The following DNAH5 variants were observed in gnomAD, a reference collection of about 807,000 sequenced individuals.
DNAH5 encodes the protein dynein axonemal heavy chain 5.
In DNAH5, 372 loss-of-function variants were observed where a neutral mutation model predicts 518.2. The observed-to-expected ratio is 0.72, with a 90% confidence interval of 0.66 to 0.78. DNAH5 has a LOEUF of 0.78. DNAH5 is among the 30% of genes least tolerant of loss of function. The pLI is 0.00. For synonymous variants in DNAH5, 2,039 were observed against 2,025.9 expected (o/e 1.01, Z -0.17); for missense variants, 5,523 against 5,687.0 (o/e 0.97, Z 0.93).
upstream of DNAH5, among the ~76,000 whole-genome samples, chr5:13,947,511 T>A (rs1457280931): frequency 1.3e-5 from 2 of 152,192 alleles, no homozygotes; most frequent in African/African-American, 4.8e-5. Context: ...ACCTAATAAA[T>A]GAAATATATA....
intron 61 of DNAH5, 119 bp downstream of exon 61, chr5:13,758,727 C>T: frequency 2.1e-6 from 3 of 1,416,206 alleles, no homozygotes; most frequent in Non-Finnish European, 3.0e-6. Flanking sequence ...CCTTGGTGTC[C>T]ATTATGTGCT....
intron 1 of DNAH5, among the ~76,000 whole-genome samples, chr5:13,983,600 T>A (rs1278693299): frequency 1.3e-5 from 2 of 152,180 alleles, no homozygotes; most frequent in African/African-American, 4.8e-5. Flanking sequence ...TTTTGACCTC[T>A]AGGACCGTCT....
At chr5:13,860,752 T>C (rs1175271158) in intron 29 of DNAH5, among the ~76,000 whole-genome samples, 2 of 152,216 alleles carry the variant, frequency 1.3e-5, no homozygotes, top group Non-Finnish European at 2.9e-5. Context: ...ATTTTGTATG[T>C]GGTGTTTCTG....
intron 5 of DNAH5, among the ~76,000 whole-genome samples, chr5:13,920,984 ATTT>A (rs35373792): frequency 6.6e-6 from 1 of 151,956 alleles, no homozygotes; most frequent in African/African-American, 2.4e-5. Flanking sequence ...CAGCAATTTT[ATTT>A]TTTTAGTAGT....
At chr5:13,740,098 C>T (rs752327141) in intron 65 of DNAH5, among the ~76,000 whole-genome samples, 3 of 152,042 alleles carry the variant, frequency 2.0e-5, no homozygotes, top group African/African-American at 7.2e-5. Context: ...ACCTTTGAAC[C>T]CTGCTTGGTC....
intron 53 of DNAH5, among the ~76,000 whole-genome samples, chr5:13,780,354 T>G (rs1329719462): frequency 6.6e-6 from 1 of 152,212 alleles, no homozygotes; most frequent in Non-Finnish European, 1.5e-5. Flanking sequence ...TCCCTTTGAG[T>G]TGCTACAAAA....
At chr5:13,817,734 G>A (rs778529729) in intron 41 of DNAH5, 40 bp from the exon 42 acceptor site, 1 of 1,602,732 alleles carries the variant, frequency 6.2e-7, no homozygotes, top group Non-Finnish European at 8.5e-7. Flanking sequence ...TCTCAGATGG[G>A]AAGTGAACCA....
intron 76 of DNAH5, among the ~76,000 whole-genome samples, chr5:13,701,823 CA>C (rs60203346): frequency 0.46 from 69,987 of 152,012 alleles, 17,114 homozygotes; most frequent in Non-Finnish European, 0.54. Flanking sequence ...CCTTAGGTTA[CA>C]ATTTCAATCT....
intron 15 of DNAH5, among the ~76,000 whole-genome samples, chr5:13,895,910 T>C (rs556903360): frequency 6.6e-6 from 1 of 152,108 alleles, no homozygotes; most frequent in South Asian, 2.1e-4. Flanking sequence ...AAACCCAGAG[T>C]CATCCTTGAT....
rs995755671 is a variant in DNAH5 at position 13,937,593 on chromosome 5, T to C, written c.58-6349A>G. 2.6e-5 allele frequency among the ~76,000 whole-genome samples: 4 copies of C among 152,060 alleles called. No individual in the cohort carries two copies. In the East Asian group the frequency reaches 7.8e-4, roughly 30 times the overall value. On this transcript the variant is annotated intron_variant, in intron 1 of 78. Transcript: ENST00000265104. ...AGTATCACTGTTATCGACATCATAC[T>C]GCATATACCAGGTCCTCATACAATA...
intron 1 of DNAH5, among the ~76,000 whole-genome samples, chr5:13,933,525 C>T (rs1778621207): frequency 6.6e-6 from 1 of 152,184 alleles, no homozygotes; most frequent in African/African-American, 2.4e-5. Flanking sequence ...GGCACAGTGG[C>T]TCATGCCTGT....
chr5:13,871,098 G>C (rs1201659171), intron 23 of DNAH5, 96 bp from the exon 24 acceptor site: 5 of 885,790 alleles, frequency 5.6e-6, no homozygotes, highest in Non-Finnish European at 8.8e-6. Flanking sequence ...ATATTTTATA[G>C]CTTATTGCCC....
At chr5:13,752,109 A>G (rs747347368) in intron 64 of DNAH5, 25 bp downstream of exon 64, 7 of 1,612,962 alleles carry the variant, frequency 4.3e-6, no homozygotes, top group East Asian at 2.2e-5. Context: ...TGTTCTGCAC[A>G]TTGTCATCCA....
At chr5:13,988,968 T>C (rs922095377) in intron 1 of DNAH5, among the ~76,000 whole-genome samples, 3 of 151,804 alleles carry the variant, frequency 2.0e-5, no homozygotes, top group Non-Finnish European at 4.4e-5. Context: ...ACCTTGTGAT[T>C]CGCCCACCTC....
At chr5:13,997,736 C>T (rs868672052) in intron 1 of DNAH5, among the ~76,000 whole-genome samples, 3 of 152,214 alleles carry the variant, frequency 2.0e-5, no homozygotes, top group Admixed American at 1.3e-4. Flanking sequence ...TTTGTTACAG[C>T]AGCACCCCAC....
chr5:14,002,396 A>T (rs1023166389), intron 1 of DNAH5, among the ~76,000 whole-genome samples: 10 of 152,296 alleles, frequency 6.6e-5, no homozygotes, highest in African/African-American at 2.4e-4. Context: ...TTAAACACAT[A>T]AATGTACTTT....
At chr5:13,889,390 GTT>G (rs887515487) in intron 17 of DNAH5, among the ~76,000 whole-genome samples, 3 of 152,142 alleles carry the variant, frequency 2.0e-5, no homozygotes, top group African/African-American at 7.2e-5. Context: ...TAGACAGTAA[GTT>G]TTGCGTATAA....
chr5:13,769,434 T>C lies in DNAH5; in HGVS notation c.9720+67A>G. The C allele has an allele frequency of 4.0e-6, 5 of 1,253,514 alleles. 1 individual carries two copies. In the South Asian group the frequency reaches 4.8e-5, roughly 12 times the overall value. 77.6% of individuals were successfully genotyped at this position (1,253,514 alleles called of 1,614,324 possible). A position where few individuals can be genotyped will look rare whatever the true frequency, so the allele number is the denominator to read the frequency against. On this transcript the variant is annotated intron_variant, in intron 57 of 78. Coordinates refer to ENST00000265104, the MANE Select transcript of DNAH5 (RefSeq NM_001369.3). Reference sequence around the variant, plus strand: ...ACTAGTTATAGCCAGTGAATATGCATAGATCATTAACACTTGTGAACTGAG... The same window carrying C: ...ACTAGTTATAGCCAGTGAATATGCACAGATCATTAACACTTGTGAACTGAG...
chr5:13,901,998 A>T (rs1561537502), intron 13 of DNAH5, 55 bp downstream of exon 13: 2 of 1,242,998 alleles, frequency 1.6e-6, no homozygotes, highest in Non-Finnish European at 2.3e-6. Flanking sequence ...AATAACAACA[A>T]TAAAAGCTAA....
Sources: allele counts gnomAD v4.1 joint callset (sites outside exome capture counted in the v4.1 genomes callset), GRCh38; gene constraint gnomAD v4.1.1; transcripts MANE v1.5; gene names NCBI Gene and HGNC (gene_info 2026-07-23, HGNC 2026-07-21).